ZEB1: variants seen among roughly 807,000 people sequenced by gnomAD.
ZEB1 encodes zinc finger E-box binding homeobox 1, also known as zinc finger E-box-binding homeobox 1.
In ZEB1, 21 loss-of-function variants were observed where a neutral mutation model predicts 84.9. The observed-to-expected ratio is 0.25, with a 90% CI of 0.18 to 0.36. ZEB1 has a LOEUF of 0.36. Among genes scored for constraint, ZEB1 ranks in the 10% least tolerant of loss-of-function variants. The pLI is 1.00. For missense variants in ZEB1, 1,104 were observed against 1,330.2 expected (o/e 0.83, Z 2.65); for synonymous variants, 420 against 471.1 (o/e 0.89, Z 1.41).
intron 2 of ZEB1, among the ~76,000 whole-genome samples, chr10:31,473,445 AACTCCCATTC>A (rs1400029384): frequency 5.3e-5 from 8 of 152,054 alleles, no homozygotes; most frequent in African/African-American, 1.7e-4. Flanking sequence ...ATCATGAGTG[AACTCCCATTC>A]ACAATTGCTT....
chr10:31,524,066 T>TA lies in ZEB1; in HGVS notation c.2739dup (p.Phe914IlefsTer5). On this transcript the variant is annotated frameshift_variant, in exon 8 of 9. Coordinates refer to ENST00000424869, the MANE Select transcript of ZEB1 (RefSeq NM_001174096.2). LOFTEE classifies it low-confidence loss of function (END_TRUNC). ...TATGCTTGTGATTTGTGTGACAAGATATTCCAAAAGAGTAGTTCATTATTG... is the reference window on the plus strand; with the variant it reads ...TATGCTTGTGATTTGTGTGACAAGATAATTCCAAAAGAGTAGTTCATTATTG... The TA allele has an allele frequency of 6.2e-7, 1 of 1,613,952 alleles. No homozygotes were observed. Among genetic ancestry groups the TA allele is most frequent in the Non-Finnish European group, 8.5e-7 (1 of 1,179,924 alleles).
rs975831124 is a variant in ZEB1, at chr10:31,526,959, G to A, written c.3073G>A (p.Glu1025Lys). The A allele has an allele frequency of 3.1e-6, 5 of 1,613,290 alleles. No individual in the cohort carries two copies. The highest frequency in any genetic ancestry group is 1.3e-5 in the African/African-American group (1 of 75,024). ...RASPSQGDSD[E>K]RESLTREEDE... ...GTCTCCCTCACAGGGCGACTCGGACGAGAGAGAGAGTTTGACAAGGGAAGA... is the reference window on the plus strand; with the variant it reads ...GTCTCCCTCACAGGGCGACTCGGACAAGAGAGAGAGTTTGACAAGGGAAGA... The change falls in exon 9 of 9, where the codon GAG becomes AAG. Residue 1025 changes from glutamate to lysine, a missense_variant. By Grantham distance (56) the Glu-to-Lys change is moderately conservative (BLOSUM62 1). Around this residue, in one of 7 missense-constraint regions of ZEB1, gnomAD observed 173 missense variants for 167.0 expected, o/e 1.04. Transcript: ENST00000424869.
chr10:31,416,170 C>T (rs913904104), intron 1 of ZEB1, among the ~76,000 whole-genome samples: 5 of 151,894 alleles, frequency 3.3e-5, no homozygotes, highest in Non-Finnish European at 5.9e-5. Context: ...CATATAGTTA[C>T]AAAGACTATC....
At chr10:31,337,369 ATGG>A (rs1030366070) in intron 1 of ZEB1, among the ~76,000 whole-genome samples, 7 of 151,488 alleles carry the variant, frequency 4.6e-5, no homozygotes, top group South Asian at 2.1e-4. Flanking sequence ...AAAAAAAACG[ATGG>A]TGGAACTCAG....
At chr10:31,320,229 G>C (rs1201937663) in intron 1 of ZEB1, 2 of 152,084 alleles carry the variant, frequency 1.3e-5, no homozygotes, top group Non-Finnish European at 2.9e-5. Flanking sequence ...ACGCCGCCGG[G>C]AGCCGCGCGG....
intron 1 of ZEB1, among the ~76,000 whole-genome samples, chr10:31,368,196 G>T (rs902752299): frequency 6.6e-6 from 1 of 151,800 alleles, no homozygotes; most frequent in African/African-American, 2.4e-5. Context: ...GCTCTGTCGC[G>T]CAGGCTTGAG....
intron 2 of ZEB1, among the ~76,000 whole-genome samples, chr10:31,484,217 A>G (rs1197720874): frequency 6.6e-6 from 1 of 151,996 alleles, no homozygotes; most frequent in African/African-American, 2.4e-5. Context: ...TCACATCTGC[A>G]AAGTCCATTT....
At chr10:31,363,033 G>A in intron 1 of ZEB1, 1 of 1,533,802 alleles carries the variant, frequency 6.5e-7, no homozygotes, top group Non-Finnish European at 8.7e-7. Context: ...TCAGTTGCAG[G>A]GGAGGGGTCG....
chr10:31,482,540 A>G (rs572606126), intron 2 of ZEB1, among the ~76,000 whole-genome samples: 1 of 152,048 alleles, frequency 6.6e-6, no homozygotes, highest in Non-Finnish European at 1.5e-5. Context: ...AGATAAGTTA[A>G]TAGCATTGTA....
At chr10:31,326,187 G>A (rs1045161753) in intron 1 of ZEB1, among the ~76,000 whole-genome samples, 1 of 152,018 alleles carries the variant, frequency 6.6e-6, no homozygotes, top group African/African-American at 2.4e-5. Flanking sequence ...GTAATGCCAG[G>A]CAGATACAGT....
intron 2 of ZEB1, among the ~76,000 whole-genome samples, chr10:31,474,889 G>T (rs866973050): frequency 8.6e-5 from 13 of 151,968 alleles, no homozygotes; most frequent in Admixed American, 2.0e-4. Context: ...CCATAAAAAA[G>T]GATGAGTTCA....
intron 1 of ZEB1, among the ~76,000 whole-genome samples, chr10:31,401,500 G>T (rs749073895): frequency 1.3e-5 from 2 of 152,184 alleles, no homozygotes; most frequent in Non-Finnish European, 2.9e-5. Flanking sequence ...AACTTGAGAT[G>T]TGTGCAGGTG....
At chr10:31,471,391 T>G (rs930970617) in intron 2 of ZEB1, among the ~76,000 whole-genome samples, 1 of 150,154 alleles carries the variant, frequency 6.7e-6, no homozygotes, top group Non-Finnish European at 1.5e-5. Flanking sequence ...AATGGAAAAT[T>G]AAAAAAGGCA....
intron 7 of ZEB1, among the ~76,000 whole-genome samples, chr10:31,522,624 C>T (rs534713751): frequency 1.3e-5 from 2 of 152,180 alleles, no homozygotes; most frequent in Admixed American, 1.3e-4. Flanking sequence ...ACCCCAAAAT[C>T]CACAATAGTT....
At chr10:31,369,120 C>T (rs2045194589) in intron 1 of ZEB1, among the ~76,000 whole-genome samples, 1 of 151,962 alleles carries the variant, frequency 6.6e-6, no homozygotes, top group African/African-American at 2.4e-5. Context: ...TAATTGCATA[C>T]ATTTATGGGG....
Position 31,521,048 on chromosome 10 carries a change from C to T in ZEB1, c.1716C>T (p.Ser572=), listed in dbSNP as rs772811068. 6.2e-7 allele frequency: 1 copy of T among 1,614,054 alleles called. No individual in the cohort carries two copies. Among genetic ancestry groups the T allele is most frequent in the South Asian group, 1.1e-5 (1 of 91,082 alleles). The change falls in exon 7 of 9, where the codon TCC becomes TCT. Residue 572 remains serine (S), a synonymous_variant. Transcript: ENST00000424869. ...LPAAEAEKPE[S]SVSSATGDGN... ...CAGCAGAAGCTGAGAAGCCTGAGTCCTCTGTTTCATCAGCTACTGGAGATG... is the reference window on the plus strand; with the variant it reads ...CAGCAGAAGCTGAGAAGCCTGAGTCTTCTGTTTCATCAGCTACTGGAGATG...
rs28709826 is a variant in ZEB1 at position 31,338,567 on chromosome 10, G to A, written c.58+19275G>A. ...AATAAACAGGGTACTATTTTTGAGC[G>A]GTGCCAGCATATTGTCAGATTATGA... On this transcript the variant is annotated intron_variant, in intron 1 of 8. Transcript: ENST00000424869. Among the ~76,000 whole-genome samples, 671 of 152,172 alleles carry A rather than the reference G, an allele frequency of 4.4e-3. 3 individuals carry two copies. Among genetic ancestry groups the A allele is most frequent in the African/African-American group, 0.014 (591 of 41,518 alleles).
intron 1 of ZEB1, among the ~76,000 whole-genome samples, chr10:31,434,675 T>A (rs1429320427): frequency 6.6e-6 from 1 of 152,140 alleles, no homozygotes; most frequent in East Asian, 1.9e-4. Context: ...ATCAGAACAC[T>A]GAACACTTGA....
intron 1 of ZEB1, among the ~76,000 whole-genome samples, chr10:31,360,706 G>A (rs1031280817): frequency 4.6e-5 from 7 of 152,188 alleles, no homozygotes; most frequent in African/African-American, 1.4e-4. Flanking sequence ...TTTTTTATCC[G>A]AGTCTAATCA....
Sources: allele counts gnomAD v4.1 joint callset (sites outside exome capture counted in the v4.1 genomes callset), GRCh38; gene constraint gnomAD v4.1.1; regional missense constraint gnomAD v4.1.1; transcripts MANE v1.5; gene names NCBI Gene and HGNC (gene_info 2026-07-23, HGNC 2026-07-21).